GDAP1: variants seen among roughly 807,000 people sequenced by gnomAD.
The protein encoded by GDAP1 is ganglioside-induced differentiation-associated protein 1.
GDAP1 carries 34 observed loss-of-function variants against 40.1 expected under a neutral mutation model. That is an observed-to-expected ratio of 0.85 (90% CI 0.64 to 1.13). The LOEUF is 1.13. GDAP1 is among the 50% of genes most tolerant of loss of function. The pLI, the probability that GDAP1 is intolerant of heterozygous loss-of-function variation, is 0.00. For synonymous variants in GDAP1, 170 were observed against 157.4 expected (o/e 1.08, Z -0.60); for missense variants, 374 against 433.7 (o/e 0.86, Z 1.22).
At chr8:74,456,246 CT>C (rs1806335086) in intron 2 of GDAP1, among the ~76,000 whole-genome samples, 1 of 151,850 alleles carries the variant, frequency 6.6e-6, no homozygotes, top group Non-Finnish European at 1.5e-5. Context: ...TGGGGCTGGA[CT>C]TATAAAGAGG....
chr8:74,381,761 A>T (rs75536200), intron 2 of GDAP1, among the ~76,000 whole-genome samples: 2 of 2,000 alleles, frequency 1.0e-3, no homozygotes, highest in African/African-American at 1.5e-3. Flanking sequence ...ATCTCAAATT[A>T]AAAAAAAAAA....
intron 2 of GDAP1, among the ~76,000 whole-genome samples, chr8:74,487,928 TG>T (rs1455389033): frequency 3.9e-5 from 6 of 152,138 alleles, no homozygotes; most frequent in African/African-American, 1.4e-4. Context: ...ATCCAAACAC[TG>T]GGGTCTTGGA....
intron 5 of GDAP1, among the ~76,000 whole-genome samples, chr8:74,363,280 G>T (rs1348912967): frequency 2.0e-5 from 3 of 152,172 alleles, no homozygotes; most frequent in Non-Finnish European, 2.9e-5. Context: ...TTTAAATTAT[G>T]CTTGGGAGAT....
Position 74,418,837 on chromosome 8 carries a change from A to G in GDAP1, c.165+67516A>G, listed in dbSNP as rs78984088. Reference sequence around the variant, plus strand: ...TAAACAACTATCAAATGCAACAATTATAACAAACTATTCAATTAAAAAAAT... The same window carrying G: ...TAAACAACTATCAAATGCAACAATTGTAACAAACTATTCAATTAAAAAAAT... On this transcript the variant is annotated intron_variant, in intron 2 of 2. Coordinates refer to the GDAP1 transcript ENST00000523640. 4.9e-3 allele frequency among the ~76,000 whole-genome samples: 705 copies of G among 142,680 alleles called. 7 individuals carry two copies. Among genetic ancestry groups the G allele is most frequent in the African/African-American group, 0.018 (647 of 36,668 alleles). 93.6% of individuals were successfully genotyped at this position (142,680 alleles called of 152,430 possible). A position where few individuals can be genotyped will look rare whatever the true frequency, so the allele number is the denominator to read the frequency against.
chr8:74,363,698 G>A (rs776393401), intron 5 of GDAP1, among the ~76,000 whole-genome samples: 2 of 152,188 alleles, frequency 1.3e-5, no homozygotes, highest in Non-Finnish European at 2.9e-5. Flanking sequence ...CAACCCCTTA[G>A]TGTCCTTTAC....
intron 2 of GDAP1, among the ~76,000 whole-genome samples, chr8:74,473,172 T>G (rs1806581975): frequency 6.6e-6 from 1 of 152,246 alleles, no homozygotes; most frequent in East Asian, 1.9e-4. Context: ...TTTGTGTAAG[T>G]TCTTGATAGA....
intron 2 of GDAP1, among the ~76,000 whole-genome samples, chr8:74,430,430 A>T (rs1467979994): frequency 6.6e-6 from 1 of 152,216 alleles, no homozygotes; most frequent in Non-Finnish European, 1.5e-5. Context: ...ATGATACTCC[A>T]CACAATATGG....
At chr8:74,398,390 G>A (rs1476420572) in intron 2 of GDAP1, among the ~76,000 whole-genome samples, 1 of 151,720 alleles carries the variant, frequency 6.6e-6, no homozygotes, top group East Asian at 1.9e-4. Context: ...CCTGAATACG[G>A]CACACTTGTA....
intron 2 of GDAP1, among the ~76,000 whole-genome samples, chr8:74,426,899 T>C (rs9650249): frequency 0.37 from 55,846 of 152,062 alleles, 11,418 homozygotes; most frequent in Non-Finnish European, 0.46. Flanking sequence ...CCAGAAATGA[T>C]AGAACTCTAT....
At chr8:74,372,167 A>G (rs936268363) in intron 2 of GDAP1, among the ~76,000 whole-genome samples, 1 of 152,138 alleles carries the variant, frequency 6.6e-6, no homozygotes, top group Non-Finnish European at 1.5e-5. Context: ...CCAGTCTATC[A>G]TTGATGGACA....
At chr8:74,370,899 C>T (rs1809737591), downstream of GDAP1, among the ~76,000 whole-genome samples, 2 of 152,212 alleles carry the variant, frequency 1.3e-5, no homozygotes, top group East Asian at 1.9e-4. Context: ...ATTTATGAAT[C>T]ACAAAAGAAT....
chr8:74,474,404 A>G (rs959476207), intron 2 of GDAP1, among the ~76,000 whole-genome samples: 8 of 152,154 alleles, frequency 5.3e-5, no homozygotes, highest in African/African-American at 1.9e-4. Flanking sequence ...GGTTTTGCCC[A>G]TTCAGTATGA....
intron 2 of GDAP1, among the ~76,000 whole-genome samples, chr8:74,480,313 G>A (rs1806695430): frequency 6.6e-6 from 1 of 152,070 alleles, no homozygotes; most frequent in African/African-American, 2.4e-5. Context: ...GGATGGAACT[G>A]CACTGCAAAG....
rs574625830 is a variant in GDAP1 at position 74,472,373 on chromosome 8, T to C, written c.166-16305T>C. Among the ~76,000 whole-genome samples the C allele has an allele frequency of 9.8e-5, 15 of 152,352 alleles. 1 individual carries two copies. In the East Asian group the frequency reaches 2.3e-3, roughly 23 times the overall value. On this transcript the variant is annotated intron_variant, in intron 2 of 2. Transcript: ENST00000523640. ...TTAGGTTGATTCCATGTCTTTGCTA[T>C]TGTGAATAGTGCTGCAATGAACATA...
At chr8:74,472,481 G>C (rs762665385) in intron 2 of GDAP1, among the ~76,000 whole-genome samples, 11 of 152,128 alleles carry the variant, frequency 7.2e-5, no homozygotes, top group South Asian at 2.1e-4. Context: ...TTAAATGATA[G>C]TTCTATTTTT....
At chr8:74,397,276 G>A (rs896313867) in intron 2 of GDAP1, among the ~76,000 whole-genome samples, 7 of 151,172 alleles carry the variant, frequency 4.6e-5, no homozygotes, top group Admixed American at 3.3e-4. Flanking sequence ...AGATGAGTAG[G>A]TTGCAAAAAT....
intron 2 of GDAP1, among the ~76,000 whole-genome samples, chr8:74,401,770 A>T (rs1260337760): frequency 6.7e-6 from 1 of 149,832 alleles, no homozygotes; most frequent in Non-Finnish European, 1.5e-5. Flanking sequence ...TTTCCTTCTA[A>T]CAGACAGGAC....
At chr8:74,463,833 T>C (rs1225170650) in intron 2 of GDAP1, among the ~76,000 whole-genome samples, 1 of 152,166 alleles carries the variant, frequency 6.6e-6, no homozygotes, top group East Asian at 1.9e-4. Context: ...TTGTAGTCAT[T>C]TATGCAAATA....
At chr8:74,350,701 G>C (rs1808814888) in intron 1 of GDAP1, 123 bp downstream of exon 1, 3 of 761,226 alleles carry the variant, frequency 3.9e-6, no homozygotes, top group Non-Finnish European at 4.7e-6. Flanking sequence ...TCCTGACCCC[G>C]GGCAGGCGCT....
Sources: allele counts gnomAD v4.1 joint callset (sites outside exome capture counted in the v4.1 genomes callset), GRCh38; gene constraint gnomAD v4.1.1; transcripts MANE v1.5; gene names NCBI Gene and HGNC (gene_info 2026-07-23, HGNC 2026-07-21).